The following MYPN variants were observed in gnomAD, a reference collection of about 807,000 sequenced individuals.
MYPN encodes the protein sarcomeric protein myopalladin, 145 kDa (MYOP).
Under a neutral mutation model 129.4 loss-of-function variants are expected in MYPN, and 63 were observed. The observed-to-expected ratio is 0.49, with a 90% confidence interval of 0.40 to 0.60. The LOEUF (loss-of-function observed/expected upper bound fraction) is 0.60. MYPN is among the 20% of genes least tolerant of loss of function. The pLI is 0.00. For missense variants in MYPN, 1,596 were observed against 1,635.4 expected (o/e 0.98, Z 0.42); for synonymous variants, 629 against 600.9 (o/e 1.05, Z -0.68).
chr10:68,126,934 G>A (rs1057112808), intron 2 of MYPN, among the ~76,000 whole-genome samples: 4 of 152,178 alleles, frequency 2.6e-5, no homozygotes, highest in African/African-American at 4.8e-5. Flanking sequence ...CAAAGGAACC[G>A]TAAACACAAC....
At position 68,211,343 on chromosome 10, in the gene MYPN, C is replaced by T. The variant is rs1388387111; in HGVS notation, c.*888C>T. On this transcript the variant is annotated 3_prime_UTR_variant, in exon 20 of 20. Transcript: ENST00000358913. ...ATAAAATACACCTCATGGGCTCCTA[C>T]CCCTTTCCCCAAAAGTCTGAAAGTG... The T allele has an allele frequency of 2.2e-6, 1 of 453,068 alleles. No homozygotes were observed. The highest frequency in any genetic ancestry group is 2.0e-5 in the African/African-American group (1 of 49,840). The allele number at this position is 453,068 out of a possible 1,614,324, so 28.1% of individuals were successfully genotyped here.
In MYPN at chr10:68,211,778, C is replaced by T. The variant is rs1485352864; in HGVS notation, c.*1323C>T. On this transcript the variant is annotated 3_prime_UTR_variant, in exon 20 of 20. Transcript: ENST00000358913. ...GGAATATGCCACCCACACACCAGTC[C>T]AAACACTGCCCTGGGAATGCTCATC... The T allele has an allele frequency of 2.2e-6, 1 of 454,070 alleles. No individual in the cohort carries two copies. Among genetic ancestry groups the T allele is most frequent in the Non-Finnish European group, 4.4e-6 (1 of 226,784 alleles). 28.1% of individuals were successfully genotyped at this position (454,070 alleles called of 1,614,324 possible).
At position 68,210,548 on chromosome 10, in the gene MYPN, G is replaced by GT. The variant is rs1028324916; in HGVS notation, c.*94dup. 4.1e-6 allele frequency: 6 copies of GT among 1,470,180 alleles called. No individual in the cohort carries two copies. The African/African-American group carries it at 8.3e-5, about 20-fold the overall frequency. 91.1% of individuals were successfully genotyped at this position (1,470,180 alleles called of 1,614,324 possible). ...GTGGTTTCCAAGCAACCGAAGTTGA[G>GT]TAAGTTCCCACACTGCTGGACCTGT... On this transcript the variant is annotated 3_prime_UTR_variant, in exon 20 of 20. Coordinates refer to ENST00000358913, the MANE Select transcript of MYPN (RefSeq NM_032578.4).
At chr10:68,149,817 T>C (rs2042736121) in intron 5 of MYPN, among the ~76,000 whole-genome samples, 1 of 151,988 alleles carries the variant, frequency 6.6e-6, no homozygotes, top group Admixed American at 6.6e-5. Flanking sequence ...TGTGAAGGGG[T>C]GGCGTGGGGA....
At chr10:68,131,051 C>T (rs1246332487) in intron 2 of MYPN, among the ~76,000 whole-genome samples, 10 of 152,128 alleles carry the variant, frequency 6.6e-5, no homozygotes, top group Admixed American at 1.3e-4. Flanking sequence ...GCCTTTCTTG[C>T]TCTTTTGCCC....
At chr10:68,158,295 T>TA in intron 6 of MYPN, 191 bp from the exon 7 acceptor site, 1 of 602,212 alleles carries the variant, frequency 1.7e-6, no homozygotes. Flanking sequence ...GCTCGCCTGC[T>TA]AGAGCCTCCA....
chr10:68,123,155 ACT>A, intron 2 of MYPN, among the ~76,000 whole-genome samples: 1 of 151,592 alleles, frequency 6.6e-6, no homozygotes, highest in East Asian at 1.9e-4. Flanking sequence ...CAGGCAGATC[ACT>A]TGAGGTCAGG....
intron 1 of MYPN, 70 bp from the exon 2 acceptor site, chr10:68,121,368 C>A: frequency 7.4e-7 from 1 of 1,358,428 alleles, no homozygotes; most frequent in Non-Finnish European, 1.0e-6. Flanking sequence ...GTCTGCAGTG[C>A]TATAATAGAC....
chr10:68,143,435 T>C (rs1213276099), intron 3 of MYPN, among the ~76,000 whole-genome samples: 1 of 152,018 alleles, frequency 6.6e-6, no homozygotes, highest in African/African-American at 2.4e-5. Context: ...GAGTGGGGAA[T>C]GAGCCACAAG....
rs766502564 is a variant in MYPN at position 68,150,112 on chromosome 10, G to A, written c.1317+1G>A. ...CATTGCAGCTCCTGTGTTTACAAAGGTAATAAAAATATTACTTCTTTCTGT... is the reference window on the plus strand; with the variant it reads ...CATTGCAGCTCCTGTGTTTACAAAGATAATAAAAATATTACTTCTTTCTGT... On this transcript the variant is annotated splice_donor_variant, in intron 6 of 19. Coordinates refer to ENST00000358913, the MANE Select transcript of MYPN (RefSeq NM_032578.4). LOFTEE classifies it high-confidence loss of function. 6 of 1,611,642 alleles carry A rather than the reference G, an allele frequency of 3.7e-6. No individual in the cohort carries two copies. The highest frequency in any genetic ancestry group is 2.2e-5 in the East Asian group (1 of 44,850).
intron 5 of MYPN, 38 bp downstream of exon 5, chr10:68,148,505 G>C: frequency 6.6e-7 from 1 of 1,506,676 alleles, no homozygotes; most frequent in Non-Finnish European, 9.2e-7. Context: ...GCCATCCACT[G>C]TGACAGACAG....
intron 13 of MYPN, among the ~76,000 whole-genome samples, chr10:68,191,957 A>T (rs1215868682): frequency 2.0e-5 from 3 of 152,160 alleles, no homozygotes; most frequent in African/African-American, 7.2e-5. Context: ...AGCAAGGATA[A>T]TTTGACTTCT....
chr10:68,101,995 T>C (rs766613485), upstream of MYPN, among the ~76,000 whole-genome samples: 2 of 152,134 alleles, frequency 1.3e-5, no homozygotes, highest in Non-Finnish European at 2.9e-5. Context: ...CATCTGCCTT[T>C]AATTTTTTGA....
intron 10 of MYPN, among the ~76,000 whole-genome samples, chr10:68,169,558 T>G (rs2043113592): frequency 6.6e-6 from 1 of 152,106 alleles, no homozygotes. Context: ...ACAGGGAGTC[T>G]GGGGCTGTGA....
At chr10:68,201,369 T>G (rs1013359947) in intron 17 of MYPN, among the ~76,000 whole-genome samples, 5 of 152,062 alleles carry the variant, frequency 3.3e-5, no homozygotes, top group African/African-American at 1.2e-4. Flanking sequence ...ACATGAGGAG[T>G]GTTCTGACCA....
At position 68,133,021 on chromosome 10, in the gene MYPN, A is replaced by ATTTTTT. The variant is rs35346306; in HGVS notation, c.903-9902_903-9897dup. 4.8e-4 allele frequency among the ~76,000 whole-genome samples: 56 copies of ATTTTTT among 116,218 alleles called. 1 individual carries two copies. In the East Asian group the frequency reaches 8.0e-3, roughly 17 times the overall value. The allele number at this position is 116,218 out of a possible 152,430, so 76.2% of individuals were successfully genotyped here. On this transcript the variant is annotated intron_variant, in intron 2 of 19. Transcript: ENST00000358913. Reference sequence around the variant, plus strand: ...TATAGAATGCCATGTGTAGACCTCAATTTTTTTTTTTTTTTTTTTTTTGAG... The same window carrying ATTTTTT: ...TATAGAATGCCATGTGTAGACCTCAATTTTTTTTTTTTTTTTTTTTTTTTTTTTGAG...
Position 68,200,157 on chromosome 10 carries a change from T to C in MYPN, c.3493+582T>C, listed in dbSNP as rs533656011. Among the ~76,000 whole-genome samples the C allele has an allele frequency of 1.8e-3, 276 of 152,306 alleles. 1 individual carries two copies. Among genetic ancestry groups the C allele is most frequent in the Non-Finnish European group, 3.3e-3 (222 of 68,018 alleles). ...GGGCCTTCTGTGTAAATGTTAATTA[T>C]TTGCCTCCCTGAAGAGATGCTGAGC... is the stretch of plus-strand genomic sequence containing the variant. On this transcript the variant is annotated intron_variant, in intron 17 of 19. Coordinates refer to ENST00000358913, the MANE Select transcript of MYPN (RefSeq NM_032578.4).
At chr10:68,127,019 C>G (rs2042336035) in intron 2 of MYPN, among the ~76,000 whole-genome samples, 1 of 152,154 alleles carries the variant, frequency 6.6e-6, no homozygotes, top group Non-Finnish European at 1.5e-5. Flanking sequence ...CAGAGTCTCT[C>G]CGTCACTCAG....
chr10:68,096,790 C>T (rs2041958753), intron 1 of MYPN, among the ~76,000 whole-genome samples: 1 of 152,142 alleles, frequency 6.6e-6, no homozygotes, highest in Admixed American at 6.5e-5. Context: ...TAGGATATTC[C>T]TCACTTTCCT....
Sources: allele counts gnomAD v4.1 joint callset (sites outside exome capture counted in the v4.1 genomes callset), GRCh38; gene constraint gnomAD v4.1.1; transcripts MANE v1.5; gene names NCBI Gene and HGNC (gene_info 2026-07-23, HGNC 2026-07-21).